Variants in PTPRK observed in about 807,000 individuals in gnomAD.
PTPRK encodes protein tyrosine phosphatase receptor type K.
In PTPRK, 75 loss-of-function variants were observed where a neutral mutation model predicts 178.0. The ratio of observed to expected loss-of-function variants is 0.42; its 90% confidence interval spans 0.35 to 0.51. The LOEUF (loss-of-function observed/expected upper bound fraction) is 0.51, where lower values mean the gene tolerates loss of function less well. PTPRK is among the 20% of genes least tolerant of loss of function. PTPRK has a pLI of 0.02. For synonymous variants in PTPRK, 637 were observed against 620.6 expected (o/e 1.03, Z -0.39); for missense variants, 1,441 against 1,797.8 (o/e 0.80, Z 3.59).
intron 3 of PTPRK, among the ~76,000 whole-genome samples, chr6:128,294,631 C>T (rs945924907): frequency 2.0e-5 from 3 of 152,054 alleles, no homozygotes; most frequent in Non-Finnish European, 4.4e-5. Flanking sequence ...TCATCTCTAT[C>T]ATTTTGGTAG....
At chr6:128,323,954 A>G (rs76510962) in intron 2 of PTPRK, among the ~76,000 whole-genome samples, 1,905 of 152,154 alleles carry the variant, frequency 0.013, 40 homozygotes, top group African/African-American at 0.044. Flanking sequence ...CTGGATCCCA[A>G]CCCAATTTAT....
intron 7 of PTPRK, among the ~76,000 whole-genome samples, chr6:128,117,933 G>C (rs1279795971): frequency 6.6e-6 from 1 of 152,178 alleles, no homozygotes; most frequent in Non-Finnish European, 1.5e-5. Context: ...ACAGGCTTCA[G>C]CCACTGTGCC....
intron 18 of PTPRK, among the ~76,000 whole-genome samples, chr6:127,994,617 G>T (rs532766960): frequency 3.2e-4 from 49 of 151,754 alleles, no homozygotes; most frequent in African/African-American, 1.2e-3. Context: ...GTAATATATT[G>T]CCCTTTAAGA....
chr6:128,326,375 C>T (rs17055689), intron 2 of PTPRK, among the ~76,000 whole-genome samples: 11,926 of 151,958 alleles, frequency 0.078, 546 homozygotes, highest in African/African-American at 0.11. Flanking sequence ...CTAAATAAAC[C>T]ATCAGGTATG....
intron 1 of PTPRK, among the ~76,000 whole-genome samples, chr6:128,494,717 C>G (rs1271218785): frequency 3.9e-5 from 6 of 152,202 alleles, no homozygotes; most frequent in Non-Finnish European, 8.8e-5. Flanking sequence ...AATCCAAAAG[C>G]ATTTTAAAAT....
intron 3 of PTPRK, among the ~76,000 whole-genome samples, chr6:128,312,386 T>C (rs1827365758): frequency 1.3e-5 from 2 of 152,122 alleles, no homozygotes; most frequent in Non-Finnish European, 2.9e-5. Flanking sequence ...AAGCCAACTG[T>C]AGTTTCAGTG....
intron 7 of PTPRK, among the ~76,000 whole-genome samples, chr6:128,159,224 A>G (rs936823080): frequency 6.6e-6 from 1 of 151,876 alleles, no homozygotes; most frequent in Non-Finnish European, 1.5e-5. Context: ...CTGAAACCTA[A>G]ATGATCAGTT....
At position 127,998,819 on chromosome 6, in the gene PTPRK, C is replaced by G. The variant is rs1416629341; in HGVS notation, c.2580G>C (p.Gln860His). Reference protein sequence around the residue: ...YLCEGTESPYQTGQLHPAIRV... With the variant: ...YLCEGTESPYHTGQLHPAIRV... ...TGATGGCTGGATGCAGCTGTCCTGT[C>G]TGGTAAGGGGATTCCGTCCCCTCAC... Residue 860 changes from glutamine to histidine, a missense_variant, in exon 16 of 30, where the codon CAG becomes CAC. Coordinates refer to ENST00000368226, the MANE Select transcript of PTPRK (RefSeq NM_002844.4). 6.2e-7 allele frequency: 1 copy of G among 1,610,868 alleles called. No individual in the cohort carries two copies. Among genetic ancestry groups the G allele is most frequent in the Admixed American group, 1.7e-5 (1 of 59,788 alleles).
At chr6:128,299,233 A>G (rs1437618213) in intron 3 of PTPRK, among the ~76,000 whole-genome samples, 1 of 151,876 alleles carries the variant, frequency 6.6e-6, no homozygotes, top group Non-Finnish European at 1.5e-5. Context: ...ATACAAACAA[A>G]TGGAAGAACA....
At chr6:128,257,714 A>T (rs1423221922) in intron 3 of PTPRK, among the ~76,000 whole-genome samples, 1 of 152,210 alleles carries the variant, frequency 6.6e-6, no homozygotes, top group Non-Finnish European at 1.5e-5. Flanking sequence ...ATTTAATTTC[A>T]GACTTAAAAT....
At chr6:128,195,437 T>C (rs1465986980) in intron 6 of PTPRK, among the ~76,000 whole-genome samples, 1 of 151,924 alleles carries the variant, frequency 6.6e-6, no homozygotes, top group East Asian at 1.9e-4. Flanking sequence ...GAGACACTAC[T>C]TGCATCCTCC....
At chr6:128,152,904 G>C (rs1797476052) in intron 7 of PTPRK, among the ~76,000 whole-genome samples, 1 of 151,996 alleles carries the variant, frequency 6.6e-6, no homozygotes, top group Non-Finnish European at 1.5e-5. Context: ...CATCATCTAA[G>C]TCTAGAGGCA....
intron 7 of PTPRK, among the ~76,000 whole-genome samples, chr6:128,168,851 G>A (rs1372430101): frequency 6.6e-6 from 1 of 152,072 alleles, no homozygotes; most frequent in Non-Finnish European, 1.5e-5. Context: ...ATGCCCATCA[G>A]TGGATAAATG....
At chr6:128,473,243 A>G (rs1850935491) in intron 1 of PTPRK, among the ~76,000 whole-genome samples, 1 of 152,036 alleles carries the variant, frequency 6.6e-6, no homozygotes, top group South Asian at 2.1e-4. Context: ...GATTTGTCTG[A>G]TATTTCCTCA....
intron 13 of PTPRK, among the ~76,000 whole-genome samples, chr6:128,026,309 T>C (rs541506527): frequency 3.9e-5 from 6 of 152,302 alleles, no homozygotes; most frequent in African/African-American, 1.2e-4. Context: ...GGCAAAACTT[T>C]CTCCTATTTG....
At chr6:128,194,233 G>A (rs1000567800) in intron 6 of PTPRK, among the ~76,000 whole-genome samples, 3 of 151,542 alleles carry the variant, frequency 2.0e-5, no homozygotes, top group East Asian at 1.9e-4. Flanking sequence ...TTACAGGTGC[G>A]TGCCACTATG....
chr6:128,074,686 A>G (rs1032977576), intron 11 of PTPRK, among the ~76,000 whole-genome samples: 4 of 152,036 alleles, frequency 2.6e-5, no homozygotes, highest in African/African-American at 4.8e-5. Flanking sequence ...TCAAAAATTA[A>G]TTTCGTCAAA....
intron 1 of PTPRK, among the ~76,000 whole-genome samples, chr6:128,486,160 A>T (rs947939396): frequency 5.3e-5 from 8 of 151,632 alleles, no homozygotes; most frequent in East Asian, 3.9e-4. Flanking sequence ...TTGTTTTTTT[A>T]AAAAAAACTA....
intron 13 of PTPRK, among the ~76,000 whole-genome samples, chr6:128,031,116 C>T (rs1178117880): frequency 6.6e-6 from 1 of 152,172 alleles, no homozygotes; most frequent in African/African-American, 2.4e-5. Context: ...ATATGAAACA[C>T]TGAGAGCACA....
Sources: allele counts gnomAD v4.1 joint callset (sites outside exome capture counted in the v4.1 genomes callset), GRCh38; gene constraint gnomAD v4.1.1; transcripts MANE v1.5; gene names NCBI Gene and HGNC (gene_info 2026-07-23, HGNC 2026-07-21).